Variants in DDX31 observed in about 807,000 individuals in gnomAD.
DDX31 encodes the protein DEAD-box helicase 31, also known as ATP-dependent DNA helicase DDX31.
Under a neutral mutation model 91.3 loss-of-function variants are expected in DDX31, and 70 were observed. That is an observed-to-expected ratio of 0.77 (90% CI 0.63 to 0.94). The LOEUF (loss-of-function observed/expected upper bound fraction) is 0.94. Among genes scored for constraint, DDX31 ranks in the 40% least tolerant of loss-of-function variants. The pLI is 0.00. For missense variants in DDX31, 902 were observed against 925.0 expected (o/e 0.98, Z 0.32); for synonymous variants, 362 against 350.6 (o/e 1.03, Z -0.36).
intron 17 of DDX31, among the ~76,000 whole-genome samples, chr9:132,623,001 T>G (rs1215244838): frequency 1.3e-5 from 2 of 151,796 alleles, no homozygotes; most frequent in Non-Finnish European, 2.9e-5. Flanking sequence ...CATGGTGGTG[T>G]GTGTCTGTAA....
intron 19 of DDX31, among the ~76,000 whole-genome samples, chr9:132,609,878 C>T (rs1831230419): frequency 6.6e-6 from 1 of 152,130 alleles, no homozygotes; most frequent in Non-Finnish European, 1.5e-5. Flanking sequence ...CCTCGGCCTC[C>T]CAAAGTGCTA....
chr9:132,613,477 T>G (rs1052089339), intron 18 of DDX31, among the ~76,000 whole-genome samples: 3 of 152,154 alleles, frequency 2.0e-5, no homozygotes, highest in Non-Finnish European at 4.4e-5. Flanking sequence ...GGGGATCACC[T>G]GAGGTCAGGA....
chr9:132,631,974 G>T, intron 15 of DDX31, 67 bp downstream of exon 15: 1 of 1,395,048 alleles, frequency 7.2e-7, no homozygotes, highest in Non-Finnish European at 1.0e-6. Context: ...TCTACTTAAA[G>T]CCAATGCATC....
intron 14 of DDX31, chr9:132,638,414 T>C (rs768368092): frequency 6.2e-7 from 1 of 1,612,882 alleles, no homozygotes. Flanking sequence ...GTCTGATATC[T>C]GATCCCTTTG....
At position 132,668,702 on chromosome 9, in the gene DDX31, G is replaced by A. The variant is rs1835487604; in HGVS notation, c.75+1158C>T. Among the ~76,000 whole-genome samples, 2 of 151,880 alleles carry A rather than the reference G, an allele frequency of 1.3e-5. 1 individual carries two copies. Among genetic ancestry groups the A allele is most frequent in the South Asian group, 4.2e-4 (2 of 4,812 alleles). ...CCTGCCTCAGCCTCCCGAGTAGCTGGGACTACAGGCGCCCACCACCACGCC... is the reference window on the plus strand; with the variant it reads ...CCTGCCTCAGCCTCCCGAGTAGCTGAGACTACAGGCGCCCACCACCACGCC... On this transcript the variant is annotated intron_variant, in intron 1 of 19. Coordinates refer to ENST00000372159, the MANE Select transcript of DDX31 (RefSeq NM_022779.9).
At chr9:132,638,645 A>C (rs1833277934) in intron 14 of DDX31, among the ~76,000 whole-genome samples, 2 of 152,198 alleles carry the variant, frequency 1.3e-5, no homozygotes, top group African/African-American at 2.4e-5. Flanking sequence ...CCACACCTTC[A>C]TTGAACAGCC....
chr9:132,606,137 T>C (rs1368869283), intron 19 of DDX31, among the ~76,000 whole-genome samples: 1 of 152,198 alleles, frequency 6.6e-6, no homozygotes, highest in Non-Finnish European at 1.5e-5. Context: ...GAAATCCTCA[T>C]GTCTCCAAGT....
chr9:132,669,784 G>A, intron 1 of DDX31, 76 bp downstream of exon 1: 1 of 1,520,072 alleles, frequency 6.6e-7, no homozygotes, highest in Non-Finnish European at 8.8e-7. Context: ...CCGACTCCAA[G>A]GCACGGCTGC....
chr9:132,602,847 T>G (rs1830792029), intron 19 of DDX31, among the ~76,000 whole-genome samples: 1 of 152,202 alleles, frequency 6.6e-6, no homozygotes, highest in Non-Finnish European at 1.5e-5. Context: ...CATCTCCTAC[T>G]TTAAGGCCAT....
intron 13 of DDX31, among the ~76,000 whole-genome samples, chr9:132,645,004 C>G (rs531774267): frequency 6.6e-6 from 1 of 152,130 alleles, no homozygotes; most frequent in African/African-American, 2.4e-5. Context: ...TGTTTAGGAT[C>G]GTGTCAAACC....
intron 4 of DDX31, 146 bp downstream of exon 4, chr9:132,661,062 A>T: frequency 1.4e-6 from 1 of 715,054 alleles, no homozygotes; most frequent in Non-Finnish European, 2.5e-6. Context: ...ATGAGTAGCT[A>T]AGTGAGACGA....
Position 132,653,115 on chromosome 9 carries a change from C to CAA in DDX31, c.589-625_589-624dup, listed in dbSNP as rs1002951209. Among the ~76,000 whole-genome samples, 348 of 138,564 alleles carry CAA rather than the reference C, an allele frequency of 2.5e-3. 2 individuals carry two copies. Among genetic ancestry groups the CAA allele is most frequent in the African/African-American group, 8.9e-3 (337 of 37,990 alleles). The allele number at this position is 138,564 out of a possible 152,430, so 90.9% of individuals were successfully genotyped here. A position where few individuals can be genotyped will look rare whatever the true frequency, so the allele number is the denominator to read the frequency against. Reference sequence around the variant, plus strand: ...TGTTAGCAGATGTTATTTTATCTTACAAAAAAAAAAACCATAAGAGAACTA... The same window carrying CAA: ...TGTTAGCAGATGTTATTTTATCTTACAAAAAAAAAAAAACCATAAGAGAACTA... On this transcript the variant is annotated intron_variant, in intron 6 of 19. Transcript: ENST00000372159.
At chr9:132,644,645 TTC>T (rs1833707223) in intron 13 of DDX31, among the ~76,000 whole-genome samples, 1 of 152,198 alleles carries the variant, frequency 6.6e-6, no homozygotes, top group Non-Finnish European at 1.5e-5. Flanking sequence ...TCCTAGACCA[TTC>T]TGAGTCCATA....
Position 132,669,968 on chromosome 9 carries a change from G to A in DDX31, c.-34C>T, listed in dbSNP as rs1238554430. ...TGGGTGACGCGTGGTGCAGCAGCGA[G>A]CCCGGTGCGCAGACTGCTGGGCCCG... On this transcript the variant is annotated 5_prime_UTR_variant, in exon 1 of 20. Coordinates refer to ENST00000372159, the MANE Select transcript of DDX31 (RefSeq NM_022779.9). 3 of 1,577,996 alleles carry A rather than the reference G, an allele frequency of 1.9e-6. No individual in the cohort carries two copies. Among genetic ancestry groups the A allele is most frequent in the Non-Finnish European group, 2.6e-6 (3 of 1,162,984 alleles).
In DDX31 at chr9:132,650,262, C is replaced by T; in HGVS notation, c.712G>A (p.Gly238Arg). 6.2e-7 allele frequency: 1 copy of T among 1,614,146 alleles called. No homozygotes were observed. The highest frequency in any genetic ancestry group is 8.5e-7 in the Non-Finnish European group (1 of 1,180,004). ...TWIVPGVLMG[G>R]EKRKSEKARL... ...GCCTTTTCTGATTTTCTCTTCTCTC[C>T]TCCCATTAACACTCCAGGCACAATC... The change falls in exon 9 of 20, where the codon GGA becomes AGA. Residue 238 changes from glycine to arginine, a missense_variant. By Grantham distance (125) the Gly-to-Arg change is moderately radical. Transcript: ENST00000372159.
chr9:132,629,085 C>T (rs1832572442), intron 16 of DDX31, among the ~76,000 whole-genome samples: 1 of 152,272 alleles, frequency 6.6e-6, no homozygotes, highest in African/African-American at 2.4e-5. Context: ...AGAGGCCAGC[C>T]AGCCTCCAGC....
chr9:132,603,916 T>C (rs1423497488), intron 19 of DDX31, among the ~76,000 whole-genome samples: 1 of 151,894 alleles, frequency 6.6e-6, no homozygotes, highest in Non-Finnish European at 1.5e-5. Flanking sequence ...GGAGGGTGCG[T>C]TTGTTCCACG....
intron 6 of DDX31, chr9:132,658,121 C>T (rs1473687822): frequency 5.3e-6 from 3 of 561,904 alleles, no homozygotes; most frequent in Non-Finnish European, 9.5e-6. Flanking sequence ...AGTGACCATT[C>T]TGTAAAAGGT....
At chr9:132,634,713 C>T (rs1187320748) in intron 14 of DDX31, among the ~76,000 whole-genome samples, 1 of 151,582 alleles carries the variant, frequency 6.6e-6, no homozygotes, top group Admixed American at 6.6e-5. Context: ...TGGCCTCGAC[C>T]TCCTGAGTAG....
Sources: allele counts gnomAD v4.1 joint callset (sites outside exome capture counted in the v4.1 genomes callset), GRCh38; gene constraint gnomAD v4.1.1; transcripts MANE v1.5; gene names NCBI Gene and HGNC (gene_info 2026-07-23, HGNC 2026-07-21).